COL4A4: variants seen among roughly 807,000 people sequenced by gnomAD.
COL4A4 encodes the protein collagen type IV alpha 4 chain, also known as collagen alpha-4(IV) chain.
In COL4A4, 105 loss-of-function variants were observed where a neutral mutation model predicts 192.9. The ratio of observed to expected loss-of-function variants is 0.54; its 90% CI spans 0.46 to 0.64. COL4A4 has a LOEUF of 0.64. Among genes scored for constraint, COL4A4 ranks in the 30% least tolerant of loss-of-function variants. COL4A4 has a pLI of 0.00. For synonymous variants in COL4A4, 762 were observed against 769.9 expected (o/e 0.99, Z 0.17); for missense variants, 1,967 against 2,169.3 (o/e 0.91, Z 1.85).
intron 31 of COL4A4, among the ~76,000 whole-genome samples, chr2:227,053,376 T>C (rs1437212101): frequency 6.6e-6 from 1 of 151,958 alleles, no homozygotes; most frequent in Non-Finnish European, 1.5e-5. Context: ...GGTCTGAAAA[T>C]TGTCAAGCAT....
chr2:227,060,174 G>C lies in COL4A4; in HGVS notation c.2126C>G (p.Pro709Arg). Residue 709 changes from proline (P) to arginine (R), a missense_variant, in exon 27 of 48, where the codon CCT becomes CGT. By Grantham distance (103) the Pro-to-Arg change is moderately radical. Transcript: ENST00000396625. ...TATTTCCGCTGTTCCTGGTGTGCCAGGTCTGCCTTTATGCCCATCTGAACC... is the reference window on the plus strand; with the variant it reads ...TATTTCCGCTGTTCCTGGTGTGCCACGTCTGCCTTTATGCCCATCTGAACC... ...LSGSDGHKGR[P>R]GTPGTAEIPG... The C allele has an allele frequency of 6.2e-7, 1 of 1,609,094 alleles. No homozygotes were observed. Among genetic ancestry groups the C allele is most frequent in the Non-Finnish European group, 8.5e-7 (1 of 1,179,038 alleles).
At chr2:227,140,471 C>T (rs960518234) in intron 3 of COL4A4, among the ~76,000 whole-genome samples, 11 of 152,196 alleles carry the variant, frequency 7.2e-5, no homozygotes, top group African/African-American at 2.7e-4. Flanking sequence ...AAGTATCCTT[C>T]TAAAGTCGTT....
intron 44 of COL4A4, among the ~76,000 whole-genome samples, chr2:227,017,059 C>A (rs1245783018): frequency 6.6e-6 from 1 of 152,202 alleles, no homozygotes; most frequent in Non-Finnish European, 1.5e-5. Context: ...ATTCCTTTCT[C>A]TGTCTCACCC....
Position 227,005,487 on chromosome 2 carries a change from A to G in COL4A4, c.*1838T>C, listed in dbSNP as rs1961901734. ...GGTGCACAAAAATATTCAACATGCC[A>G]GAGCATGGTTTAAAAAATATCAAAT... On this transcript the variant is annotated 3_prime_UTR_variant, in exon 48 of 48. Coordinates refer to ENST00000396625, the MANE Select transcript of COL4A4 (RefSeq NM_000092.5). The G allele has an allele frequency of 6.6e-6, 1 of 152,250 alleles. No individual in the cohort carries two copies. Among genetic ancestry groups the G allele is most frequent in the Non-Finnish European group, 1.5e-5 (1 of 68,046 alleles). The allele number at this position is 152,250 out of a possible 1,614,324, so 9.4% of individuals were successfully genotyped here.
intron 4 of COL4A4, among the ~76,000 whole-genome samples, chr2:227,130,471 T>C (rs892348008): frequency 6.6e-6 from 1 of 152,196 alleles, no homozygotes; most frequent in African/African-American, 2.4e-5. Flanking sequence ...TCTCCCTCCT[T>C]CTTGCCTGCC....
intron 28 of COL4A4, 58 bp downstream of exon 28, chr2:227,059,347 G>T: frequency 2.2e-6 from 3 of 1,371,126 alleles, no homozygotes; most frequent in South Asian, 1.2e-5. Context: ...GTTCTTCAGT[G>T]ACCTGTTCCA....
At chr2:227,100,710 C>G (rs531750613) in intron 17 of COL4A4, among the ~76,000 whole-genome samples, 2 of 152,070 alleles carry the variant, frequency 1.3e-5, no homozygotes, top group Non-Finnish European at 2.9e-5. Flanking sequence ...CCAGCTAAAT[C>G]TCATCTTGAA....
intron 23 of COL4A4, among the ~76,000 whole-genome samples, chr2:227,081,433 AG>A (rs1327364787): frequency 7.2e-5 from 11 of 152,132 alleles, no homozygotes; most frequent in Non-Finnish European, 1.6e-4. Context: ...AACTTACATC[AG>A]TGGTTTGCCA....
At chr2:227,075,317 AT>A (rs1279349045) in intron 25 of COL4A4, among the ~76,000 whole-genome samples, 2 of 151,912 alleles carry the variant, frequency 1.3e-5, no homozygotes, top group African/African-American at 4.8e-5. Flanking sequence ...CAAGTCTGGG[AT>A]GCAAGGCTGG....
At chr2:227,029,990 G>T (rs1303689043) in intron 41 of COL4A4, among the ~76,000 whole-genome samples, 3 of 152,160 alleles carry the variant, frequency 2.0e-5, no homozygotes, top group African/African-American at 7.2e-5. Flanking sequence ...AAAGCAGGAA[G>T]AAGGAGTGGC....
At chr2:227,118,570 G>T (rs2061610091) in intron 7 of COL4A4, 75 bp downstream of exon 7, 13 of 1,115,024 alleles carry the variant, frequency 1.2e-5, no homozygotes, top group Non-Finnish European at 1.6e-5. Flanking sequence ...TCTGTTTCTT[G>T]AATACATCAA....
chr2:227,110,094 TACA>T (rs1489422953), intron 9 of COL4A4, among the ~76,000 whole-genome samples: 1 of 152,214 alleles, frequency 6.6e-6, no homozygotes, highest in Non-Finnish European at 1.5e-5. Flanking sequence ...CAAAATTTTC[TACA>T]ACATGTAAGT....
At chr2:226,977,432 T>G in the COL4A4 span, among the ~76,000 whole-genome samples, 1 of 152,196 alleles carries the variant, frequency 6.6e-6, no homozygotes, top group Non-Finnish European at 1.5e-5. Context: ...AAAGAATCCC[T>G]TATGGTTTTT....
rs775373551 is a variant in COL4A4, at chr2:227,010,498, G to A, written c.4337C>T (p.Pro1446Leu). Residue 1446 changes from proline to leucine, a missense_variant, in exon 46 of 48, where the codon CCT becomes CTT. Pro to Leu is a moderately conservative substitution (Grantham distance 98, BLOSUM62 -3). Transcript: ENST00000396625. ...CCCAGGATCCCCAATGGGACCAGGA[G>A]GCCCTGGAGGAACAAAGGAAAAAAA... ...GEDGYPGGPG[P>L]PGPIGDPGPK... The A allele has an allele frequency of 1.3e-6, 2 of 1,561,528 alleles. No individual in the cohort carries two copies. Among genetic ancestry groups the A allele is most frequent in the South Asian group, 2.4e-5 (2 of 83,786 alleles).
chr2:227,114,267 C>A (rs371519547), intron 8 of COL4A4, among the ~76,000 whole-genome samples: 1 of 152,208 alleles, frequency 6.6e-6, no homozygotes, highest in African/African-American at 2.4e-5. Flanking sequence ...CTATTGGCGT[C>A]TAATGAGTAG....
chr2:227,076,106 T>C (rs2150450618), intron 25 of COL4A4, among the ~76,000 whole-genome samples: 1 of 152,326 alleles, frequency 6.6e-6, no homozygotes, highest in Non-Finnish European at 1.5e-5. Flanking sequence ...AAGCTATCAT[T>C]GACTTTCTTC....
chr2:226,978,305 C>CT, the COL4A4 span, among the ~76,000 whole-genome samples: 1 of 152,152 alleles, frequency 6.6e-6, no homozygotes, highest in Non-Finnish European at 1.5e-5. Context: ...CTATAGCCTG[C>CT]TAGCCCCCCA....
the COL4A4 span, among the ~76,000 whole-genome samples, chr2:226,986,039 T>C: frequency 2.6e-5 from 4 of 152,368 alleles, no homozygotes; most frequent in African/African-American, 9.6e-5. Flanking sequence ...CGTTGATATG[T>C]GATGAGGGCA....
In COL4A4 at chr2:227,060,120, A is replaced by AAAAAAAAAAAAAAAAAAC; in HGVS notation, c.2164+15_2164+16insGTTTTTTTTTTTTTTTTT. ...AAAGCAGAAAAAAAAAAAAAAAAAAAAAAAACCTCACTGACCAGGTGGACC... is the reference window on the plus strand; with the variant it reads ...AAAGCAGAAAAAAAAAAAAAAAAAAAAAAAAAAAAAAAAAAAACAAAAACCTCACTGACCAGGTGGACC... On this transcript the variant is annotated intron_variant, in intron 27 of 47. Transcript: ENST00000396625. 7.1e-7 allele frequency: 1 copy of AAAAAAAAAAAAAAAAAAC among 1,403,944 alleles called. No homozygotes were observed. The highest frequency in any genetic ancestry group is 9.8e-7 in the Non-Finnish European group (1 of 1,020,700). 87.0% of individuals were successfully genotyped at this position (1,403,944 alleles called of 1,614,324 possible).
Sources: allele counts gnomAD v4.1 joint callset (sites outside exome capture counted in the v4.1 genomes callset), GRCh38; gene constraint gnomAD v4.1.1; transcripts MANE v1.5; gene names NCBI Gene and HGNC (gene_info 2026-07-23, HGNC 2026-07-21).